Variants in GULP1 observed in about 807,000 individuals in gnomAD.
GULP1 encodes PTB domain-containing engulfment adapter protein 1.
In GULP1, 19 loss-of-function variants were observed where a neutral mutation model predicts 40.9. The ratio of observed to expected loss-of-function variants is 0.46; its 90% confidence interval spans 0.32 to 0.68. GULP1 has a LOEUF of 0.68. Among genes scored for constraint, GULP1 ranks in the 30% least tolerant of loss-of-function variants. The probability of loss-of-function intolerance (pLI) is 0.03; values close to 1 mark genes in which losing one functional copy is unlikely to be tolerated. For synonymous variants in GULP1, 119 were observed against 117.6 expected, an observed-to-expected ratio of 1.01 and a Z score of -0.08; for missense variants, 312 against 362.2, an observed-to-expected ratio of 0.86 and a Z score of 1.12.
intron 5 of GULP1, among the ~76,000 whole-genome samples, chr2:188,526,617 A>C (rs1009924712): frequency 2.0e-5 from 3 of 152,092 alleles, no homozygotes; most frequent in Non-Finnish European, 2.9e-5. Context: ...GAAAGGCAGG[A>C]AGGAGAATAT....
intron 1 of GULP1, among the ~76,000 whole-genome samples, chr2:188,318,709 T>C (rs780902519): frequency 2.6e-5 from 4 of 152,292 alleles, no homozygotes; most frequent in Non-Finnish European, 4.4e-5. Context: ...CCAGGAGTTA[T>C]TACCCTTTTC....
At chr2:188,440,209 G>T (rs537356607) in intron 2 of GULP1, among the ~76,000 whole-genome samples, 1 of 152,250 alleles carries the variant, frequency 6.6e-6, no homozygotes, top group South Asian at 2.1e-4. Context: ...TCTATTGTTG[G>T]GAAGCTGTAG....
intron 4 of GULP1, among the ~76,000 whole-genome samples, chr2:188,492,777 A>G (rs2062523647): frequency 6.6e-6 from 1 of 152,096 alleles, no homozygotes; most frequent in South Asian, 2.1e-4. Context: ...GCCAAAAGCG[A>G]TATTAGTTCC....
intron 9 of GULP1, among the ~76,000 whole-genome samples, chr2:188,581,833 TAAG>T (rs1701387239): frequency 6.6e-6 from 1 of 152,206 alleles, no homozygotes; most frequent in Admixed American, 6.5e-5. Flanking sequence ...TTTATTGTAA[TAAG>T]GACATAATAT....
intron 1 of GULP1, among the ~76,000 whole-genome samples, chr2:188,332,026 C>T (rs112750916): frequency 3.5e-4 from 53 of 152,112 alleles, no homozygotes; most frequent in African/African-American, 1.1e-3. Context: ...GTAGCTCATA[C>T]GGCAACATTC....
chr2:188,325,300 C>T (rs2040591854), intron 1 of GULP1, among the ~76,000 whole-genome samples: 1 of 152,036 alleles, frequency 6.6e-6, no homozygotes, highest in Non-Finnish European at 1.5e-5. Context: ...GAATGCAATG[C>T]AATTTCTGAT....
At position 188,505,464 on chromosome 2, in the gene GULP1, T is replaced by C. The variant is rs527424205; in HGVS notation, c.91-17292T>C. ...TTTGCCCCCAAATAACTCCATACTA[T>C]GAAGCATATTATAATATACAGAATA... On this transcript the variant is annotated intron_variant, in intron 4 of 11. Coordinates refer to ENST00000409830, the MANE Select transcript of GULP1 (RefSeq NM_016315.4). 4.6e-5 allele frequency among the ~76,000 whole-genome samples: 7 copies of C among 151,942 alleles called. No individual in the cohort carries two copies. The East Asian group carries it at 1.4e-3, about 30-fold the overall frequency.
At chr2:188,466,760 G>T (rs577595913) in intron 2 of GULP1, among the ~76,000 whole-genome samples, 1 of 152,184 alleles carries the variant, frequency 6.6e-6, no homozygotes, top group South Asian at 2.1e-4. Flanking sequence ...CATGACTCAT[G>T]TATCCAACTA....
intron 2 of GULP1, among the ~76,000 whole-genome samples, chr2:188,475,940 A>G (rs1480393118): frequency 1.3e-5 from 2 of 152,134 alleles, no homozygotes; most frequent in South Asian, 2.1e-4. Flanking sequence ...TATTGGTATA[A>G]TATGTGTGGG....
intron 4 of GULP1, among the ~76,000 whole-genome samples, chr2:188,495,778 G>A (rs78122204): frequency 0.05 from 7,601 of 151,592 alleles, 380 homozygotes; most frequent in East Asian, 0.25. Context: ...TTAAATGTTA[G>A]TTATTCTCTT....
intron 4 of GULP1, among the ~76,000 whole-genome samples, chr2:188,487,647 C>T (rs796353598): frequency 1.3e-5 from 2 of 152,078 alleles, no homozygotes; most frequent in African/African-American, 4.8e-5. Context: ...TAACGCATTC[C>T]TTGCAAACCC....
intron 7 of GULP1, among the ~76,000 whole-genome samples, chr2:188,555,982 C>T (rs542040059): frequency 4.6e-4 from 69 of 151,116 alleles, no homozygotes; most frequent in African/African-American, 1.3e-3. Flanking sequence ...TGCTTGAACC[C>T]GGGAGACAGA....
chr2:188,412,985 A>G lies in GULP1; in HGVS notation c.-45+29096A>G, dbSNP rs145581886. ...AAAATAACTTACCAAATCTATTCAC[A>G]GTGCAGAGGAGAAAACTAAAGTCTA... On this transcript the variant is annotated intron_variant, in intron 2 of 11. Coordinates refer to ENST00000409830, the MANE Select transcript of GULP1 (RefSeq NM_016315.4). Among the ~76,000 whole-genome samples, 510 of 152,330 alleles carry G rather than the reference A, an allele frequency of 3.3e-3. 20 individuals carry two copies. In the East Asian group the frequency reaches 0.059, roughly 18 times the overall value.
intron 2 of GULP1, among the ~76,000 whole-genome samples, chr2:188,414,655 T>C (rs1014354118): frequency 8.5e-5 from 13 of 152,330 alleles, no homozygotes; most frequent in South Asian, 2.1e-4. Flanking sequence ...AACTCCATAC[T>C]ATTAATCATT....
intron 8 of GULP1, 104 bp downstream of exon 8, chr2:188,569,459 CACTG>C (rs1423490676): frequency 1.3e-6 from 1 of 759,662 alleles, no homozygotes; most frequent in African/African-American, 1.7e-5. Flanking sequence ...ATTTCACCCA[CACTG>C]ACTGATTGGA....
chr2:188,584,230 G>A, intron 9 of GULP1, 35 bp from the exon 10 acceptor site: 1 of 1,441,924 alleles, frequency 6.9e-7, no homozygotes, highest in African/African-American at 1.4e-5. Context: ...GTGTCTATAT[G>A]AAATATTACC....
chr2:188,555,343 G>C (rs1035112423), intron 7 of GULP1, among the ~76,000 whole-genome samples: 1 of 152,012 alleles, frequency 6.6e-6, no homozygotes, highest in Admixed American at 6.6e-5. Flanking sequence ...TTTCCTGATA[G>C]TAAATCTTGT....
chr2:188,509,230 C>T (rs2064250256), intron 4 of GULP1, among the ~76,000 whole-genome samples: 1 of 152,014 alleles, frequency 6.6e-6, no homozygotes, highest in East Asian at 1.9e-4. Context: ...AGGCCACCGA[C>T]ATTAAGCTTG....
intron 5 of GULP1, among the ~76,000 whole-genome samples, chr2:188,524,616 C>CT (rs1485165329): frequency 6.9e-6 from 1 of 144,508 alleles, no homozygotes; most frequent in South Asian, 2.2e-4. Flanking sequence ...TTTTTTTTTG[C>CT]TTTTTTTGTG....
Sources: gnomAD v4.1 joint callset for allele counts (sites outside exome capture counted in the v4.1 genomes callset) on GRCh38, gnomAD v4.1.1 for gene constraint, MANE v1.5 for transcripts, NCBI Gene and HGNC (gene_info 2026-07-23, HGNC 2026-07-21) for gene names.